The following CDC42BPA variants were observed in gnomAD, a reference collection of about 807,000 sequenced individuals.
CDC42BPA encodes the protein serine/threonine-protein kinase MRCK alpha.
A neutral mutation model predicts 223.5 loss-of-function variants in CDC42BPA; 80 were observed. The observed-to-expected ratio is 0.36, with a 90% CI of 0.30 to 0.43. The LOEUF is 0.43. Ranked by LOEUF, CDC42BPA falls within the 20% of genes least tolerant of loss-of-function variation. The probability of loss-of-function intolerance (pLI) is 1.00; values close to 1 mark genes in which losing one functional copy is unlikely to be tolerated. For synonymous variants in CDC42BPA, 694 were observed against 718.6 expected (o/e 0.97, Z 0.55); for missense variants, 1,743 against 2,099.9 (o/e 0.83, Z 3.32).
intron 2 of CDC42BPA, among the ~76,000 whole-genome samples, chr1:227,242,472 T>C (rs977148441): frequency 1.3e-5 from 2 of 152,040 alleles, no homozygotes; most frequent in Non-Finnish European, 2.9e-5. Context: ...AATGCTATCA[T>C]TAATTGAAGA....
In CDC42BPA at chr1:226,994,959, C is replaced by G; in HGVS notation, c.4997G>C (p.Ser1666Thr). The G allele has an allele frequency of 6.2e-7, 1 of 1,614,078 alleles. No homozygotes were observed. Among genetic ancestry groups the G allele is most frequent in the Non-Finnish European group, 8.5e-7 (1 of 1,179,982 alleles). The change falls in exon 36 of 37, where the codon AGC (serine) becomes ACC (threonine). Residue 1666 changes from serine to threonine, a missense_variant. Physicochemically the swap from Ser to Thr is moderately conservative, Grantham distance 58 (BLOSUM62 1). This residue lies in a region of CDC42BPA where 200 missense variants were observed against 192.8 expected (regional missense o/e 1.04). Transcript: ENST00000366766. The surrounding 1 kb of genome is among the most constrained non-coding windows in gnomAD (Gnocchi z 4.0). Reference sequence around the variant, plus strand: ...TCCAGAGAATTCCCTCTTTAATGCGCTGCCATTCTGTGCGGATGACCCTAC... The same window carrying G: ...TCCAGAGAATTCCCTCTTTAATGCGGTGCCATTCTGTGCGGATGACCCTAC... ...LSARSSAQNG[S>T]ALKREFSGGS...
At chr1:227,022,446 T>A (rs957546607) in intron 32 of CDC42BPA, among the ~76,000 whole-genome samples, 6 of 151,886 alleles carry the variant, frequency 4.0e-5, no homozygotes, top group African/African-American at 4.8e-5. Context: ...AAAAAAAAAA[T>A]TATTTAAAAT....
intron 20 of CDC42BPA, among the ~76,000 whole-genome samples, chr1:227,070,836 G>A (rs908396286): frequency 2.6e-5 from 4 of 151,774 alleles, no homozygotes; most frequent in African/African-American, 9.7e-5. Flanking sequence ...TGCCTTCAGT[G>A]ATAAACTTAA....
At chr1:226,996,319 G>C (rs1661590172) in intron 35 of CDC42BPA, among the ~76,000 whole-genome samples, 1 of 152,224 alleles carries the variant, frequency 6.6e-6, no homozygotes, top group African/African-American at 2.4e-5. Flanking sequence ...CATTGATTTT[G>C]TAACCTGAGA....
At chr1:227,012,599 T>C (rs1027514668) in intron 34 of CDC42BPA, among the ~76,000 whole-genome samples, 2 of 152,208 alleles carry the variant, frequency 1.3e-5, no homozygotes, top group Admixed American at 6.5e-5. Context: ...AAAGCAATAC[T>C]GATTTGAATA....
At chr1:227,221,338 A>C (rs535997726) in intron 2 of CDC42BPA, among the ~76,000 whole-genome samples, 1 of 152,062 alleles carries the variant, frequency 6.6e-6, no homozygotes, top group African/African-American at 2.4e-5. Context: ...CTAAATCCCT[A>C]TCTCTTACTA....
intron 1 of CDC42BPA, among the ~76,000 whole-genome samples, chr1:227,284,205 T>G (rs1344670306): frequency 6.6e-6 from 1 of 152,216 alleles, no homozygotes; most frequent in Non-Finnish European, 1.5e-5. Flanking sequence ...TAGGATATTT[T>G]GATATTTTAT....
intron 5 of CDC42BPA, among the ~76,000 whole-genome samples, chr1:227,166,580 T>C (rs1409728618): frequency 6.6e-6 from 1 of 152,222 alleles, no homozygotes; most frequent in Non-Finnish European, 1.5e-5. Flanking sequence ...TCCTTCAGAC[T>C]TACCTATTAT....
chr1:227,256,954 C>CAG lies in CDC42BPA; in HGVS notation c.179-2800_179-2799insCT, dbSNP rs201432745. Among the ~76,000 whole-genome samples, 302 of 100,094 alleles carry CAG rather than the reference C, an allele frequency of 3.0e-3. 7 individuals carry two copies. In the East Asian group the frequency reaches 0.073, roughly 24 times the overall value. The allele number at this position is 100,094 out of a possible 152,430, so 65.7% of individuals were successfully genotyped here. ...AATGTGATATATATATACAGACACA[C>CAG]ACACACACACACACACACACACACA... On this transcript the variant is annotated intron_variant, in intron 1 of 36. Coordinates refer to ENST00000366766, the MANE Select transcript of CDC42BPA (RefSeq NM_001394014.1).
chr1:227,125,495 G>A (rs1435914902), intron 11 of CDC42BPA, among the ~76,000 whole-genome samples: 1 of 151,344 alleles, frequency 6.6e-6, no homozygotes, highest in Non-Finnish European at 1.5e-5. Context: ...TACTCAGGAG[G>A]ATGAGGCACA....
In CDC42BPA at chr1:227,180,910, C is replaced by CT. The variant is rs35588312; in HGVS notation, c.599+12875dup. Among the ~76,000 whole-genome samples, 90 of 139,886 alleles carry CT rather than the reference C, an allele frequency of 6.4e-4. No individual in the cohort carries two copies. The East Asian group carries it at 6.6e-3, about 10-fold the overall frequency. 91.8% of individuals were successfully genotyped at this position (139,886 alleles called of 152,430 possible). The stretch of plus-strand genomic sequence containing the variant: ...AACATGGTTAGAAATAACTTGGGGC[C>CT]TTTTTTTTTTTCAACCTGAAATTAG... On this transcript the variant is annotated intron_variant, in intron 5 of 36. Transcript: ENST00000366766.
At chr1:227,179,646 A>AAAAAAAC in intron 5 of CDC42BPA, among the ~76,000 whole-genome samples, 1 of 149,350 alleles carries the variant, frequency 6.7e-6, no homozygotes, top group Non-Finnish European at 1.5e-5. Flanking sequence ...AAAAAAAAAA[A>AAAAAAAC]AAAAAAAAAA....
At chr1:227,011,079 G>GA (rs763249313) in intron 34 of CDC42BPA, 5 of 1,292,554 alleles carry the variant, frequency 3.9e-6, no homozygotes, top group Non-Finnish European at 5.1e-6. Flanking sequence ...AAAAACAAAA[G>GA]AAAGATGAAA....
chr1:227,120,242 C>A (rs1182598587), intron 11 of CDC42BPA, among the ~76,000 whole-genome samples: 1 of 151,234 alleles, frequency 6.6e-6, no homozygotes, highest in Non-Finnish European at 1.5e-5. Flanking sequence ...TAACAAGCAA[C>A]AATAAAACCA....
At chr1:227,037,442 T>C (rs931963925) in intron 24 of CDC42BPA, among the ~76,000 whole-genome samples, 2 of 152,242 alleles carry the variant, frequency 1.3e-5, no homozygotes, top group Non-Finnish European at 2.9e-5. Context: ...TATTTGGCTT[T>C]AAACACACAT....
intron 23 of CDC42BPA, among the ~76,000 whole-genome samples, chr1:227,046,378 T>C (rs1052794870): frequency 6.6e-6 from 1 of 151,984 alleles, no homozygotes; most frequent in Admixed American, 6.6e-5. Context: ...GAGGCTACAG[T>C]CCCAAGAGTC....
rs115885630 is a variant in CDC42BPA, at chr1:227,215,861, C to A, written c.271-2642G>T. ...CACATAGAAATATGGATAGAAATAC[C>A]CTCAACTGAATATATCTATATACAA... On this transcript the variant is annotated intron_variant, in intron 2 of 36. Transcript: ENST00000366766. Among the ~76,000 whole-genome samples the A allele has an allele frequency of 6.0e-3, 914 of 152,066 alleles. 10 individuals are homozygous for A. The highest frequency in any genetic ancestry group is 0.021 in the African/African-American group (861 of 41,472).
intron 1 of CDC42BPA, among the ~76,000 whole-genome samples, chr1:227,265,564 G>GGTTGCA (rs1572724123): frequency 1.3e-5 from 2 of 151,564 alleles, no homozygotes; most frequent in East Asian, 3.9e-4. Flanking sequence ...GGGAGGTGGA[G>GGTTGCA]GTTGCAGTGA....
chr1:227,276,644 T>C (rs1296085200), intron 1 of CDC42BPA, among the ~76,000 whole-genome samples: 1 of 152,046 alleles, frequency 6.6e-6, no homozygotes, highest in Non-Finnish European at 1.5e-5. Flanking sequence ...AGGGGGGAAA[T>C]GTGGGGAAAG....
Sources: gnomAD v4.1 joint callset for allele counts (sites outside exome capture counted in the v4.1 genomes callset) on GRCh38, gnomAD v4.1.1 for gene constraint, gnomAD v4.1.1 regional missense constraint, Gnocchi (gnomAD v3.1) non-coding constraint, MANE v1.5 for transcripts, NCBI Gene and HGNC (gene_info 2026-07-23, HGNC 2026-07-21) for gene names.